The following GRIN3A variants were observed in gnomAD, a reference collection of about 807,000 sequenced individuals.
GRIN3A encodes glutamate ionotropic receptor NMDA type subunit 3A, also known as glutamate receptor ionotropic, NMDA 3A.
A neutral mutation model predicts 92.4 loss-of-function variants in GRIN3A; 47 were observed. That is an observed-to-expected ratio of 0.51 (90% CI 0.40 to 0.65). The LOEUF is 0.65. GRIN3A is among the 30% of genes least tolerant of loss of function. GRIN3A has a pLI of 0.00. For synonymous variants in GRIN3A, 527 were observed against 540.6 expected (o/e 0.97, Z 0.35); for missense variants, 1,324 against 1,393.1 (o/e 0.95, Z 0.79).
At chr9:101,609,713 G>C (rs1261055445) in intron 6 of GRIN3A, among the ~76,000 whole-genome samples, 2 of 152,156 alleles carry the variant, frequency 1.3e-5, no homozygotes, top group East Asian at 1.9e-4. Flanking sequence ...GGTCCCTTCA[G>C]CTGAAGTCTT....
intron 6 of GRIN3A, chr9:101,592,754 CT>C (rs11331695): frequency 0.46 from 65,769 of 143,002 alleles, 14,139 homozygotes; most frequent in Middle Eastern, 0.53. Context: ...AATTTGTGGA[CT>C]TTTTTTTTTT....
intron 3 of GRIN3A, among the ~76,000 whole-genome samples, chr9:101,651,885 C>A (rs1235839726): frequency 2.0e-5 from 3 of 151,840 alleles, no homozygotes; most frequent in Non-Finnish European, 4.4e-5. Flanking sequence ...CTAGAGAAGT[C>A]AAGGATGCAT....
intron 3 of GRIN3A, among the ~76,000 whole-genome samples, chr9:101,650,110 A>G (rs1235224523): frequency 6.6e-6 from 1 of 152,072 alleles, no homozygotes; most frequent in East Asian, 1.9e-4. Flanking sequence ...CAGCTAAAAT[A>G]CTTCTAAAAC....
rs533049120 is a variant in GRIN3A at position 101,643,629 on chromosome 9, G to A, written c.2353-15228C>T. Among the ~76,000 whole-genome samples, 254 of 150,504 alleles carry A rather than the reference G, an allele frequency of 1.7e-3. 4 individuals carry two copies. The highest frequency in any genetic ancestry group is 1.3e-3 in the Non-Finnish European group (85 of 67,708). On this transcript the variant is annotated intron_variant, in intron 3 of 8. Transcript: ENST00000361820. ...GTTTATTACAGCACTATTCACAGTA[G>A]CTAAATCATGTAAGCAACCTAAATG...
rs146450971 is a variant in GRIN3A at position 101,619,016 on chromosome 9, G to T, written c.2614+4302C>A. ...TTGGATACAGCTTAATGGCCCAAGA[G>T]AACAGTTTTCAGAATAGAATCCTGA... On this transcript the variant is annotated intron_variant, in intron 5 of 8. Coordinates refer to ENST00000361820, the MANE Select transcript of GRIN3A (RefSeq NM_133445.3). 9.0e-4 allele frequency among the ~76,000 whole-genome samples: 137 copies of T among 152,264 alleles called. 1 individual carries two copies. The highest frequency in any genetic ancestry group is 3.1e-3 in the African/African-American group (129 of 41,568).
At position 101,682,770 on chromosome 9, in the gene GRIN3A, CAGG is replaced by C. The variant is rs537034756; in HGVS notation, c.1304+3823_1304+3825del. ...GGCCGAGGCGGGCGGATCATGAGGTCAGGAGATCGAGACCATCCTGGCTAACAC... is the reference window on the plus strand; with the variant it reads ...GGCCGAGGCGGGCGGATCATGAGGTCAGATCGAGACCATCCTGGCTAACAC... On this transcript the variant is annotated intron_variant, in intron 2 of 8. Coordinates refer to ENST00000361820, the MANE Select transcript of GRIN3A (RefSeq NM_133445.3). Among the ~76,000 whole-genome samples the C allele has an allele frequency of 5.7e-3, 874 of 152,308 alleles. 9 individuals are homozygous for C. Among genetic ancestry groups the C allele is most frequent in the African/African-American group, 0.02 (842 of 41,576 alleles).
rs1827844964 is a variant in GRIN3A at position 101,577,824 on chromosome 9, A to G, written c.2952T>C (p.Asn984=). The stretch of plus-strand genomic sequence containing the variant: ...GCTGCTTTTCCTCTATAAATGATGT[A>G]TTTATTGCTCTGTGTAATCTCTGAT... ...HTSQRLHRAI[N]TSFIEEKQQH... The change falls in exon 8 of 9, where the codon AAT becomes AAC. Residue 984 remains asparagine, a synonymous_variant. Coordinates refer to ENST00000361820, the MANE Select transcript of GRIN3A (RefSeq NM_133445.3). The G allele has an allele frequency of 6.2e-7, 1 of 1,612,484 alleles. No individual in the cohort carries two copies. The highest frequency in any genetic ancestry group is 8.5e-7 in the Non-Finnish European group (1 of 1,179,244).
At chr9:101,690,265 A>G (rs559098717) in intron 1 of GRIN3A, among the ~76,000 whole-genome samples, 1 of 152,310 alleles carries the variant, frequency 6.6e-6, no homozygotes, top group East Asian at 1.9e-4. Context: ...ACAAAACCAT[A>G]TATGTCAAGC....
At chr9:101,642,464 A>C (rs1666363572) in intron 3 of GRIN3A, among the ~76,000 whole-genome samples, 1 of 152,208 alleles carries the variant, frequency 6.6e-6, no homozygotes, top group African/African-American at 2.4e-5. Context: ...AACAAAAGTA[A>C]AATTAAACAA....
intron 2 of GRIN3A, among the ~76,000 whole-genome samples, chr9:101,672,504 A>G (rs1829341200): frequency 6.6e-6 from 1 of 152,186 alleles, no homozygotes; most frequent in African/African-American, 2.4e-5. Flanking sequence ...AGTGGAACAC[A>G]GTAGGTATTT....
At chr9:101,667,906 T>G (rs1829262936) in intron 3 of GRIN3A, among the ~76,000 whole-genome samples, 1 of 152,022 alleles carries the variant, frequency 6.6e-6, no homozygotes, top group Admixed American at 6.6e-5. Flanking sequence ...AAAGAGATAT[T>G]TTACCGTAGA....
rs1158371689 is a variant in GRIN3A at position 101,687,220 on chromosome 9, A to G, written c.700-20T>C. ...GGGATTCTGTATTTAAAGATATGAA[A>G]AAGAAGAATTAGAAAGCATTGGCCA... is the stretch of plus-strand genomic sequence containing the variant. On this transcript the variant is annotated intron_variant, in intron 1 of 8. Coordinates refer to ENST00000361820, the MANE Select transcript of GRIN3A (RefSeq NM_133445.3). 6.2e-7 allele frequency: 1 copy of G among 1,613,166 alleles called. No homozygotes were observed. The highest frequency in any genetic ancestry group is 1.3e-5 in the African/African-American group (1 of 74,920).
At chr9:101,648,055 G>A (rs1048542212) in intron 3 of GRIN3A, among the ~76,000 whole-genome samples, 5 of 151,172 alleles carry the variant, frequency 3.3e-5, no homozygotes, top group Non-Finnish European at 5.9e-5. Context: ...TTTCTAGTTC[G>A]TTGAGGTGCA....
chr9:101,671,180 G>A, intron 2 of GRIN3A, 73 bp from the exon 3 acceptor site: 1 of 1,030,014 alleles, frequency 9.7e-7, no homozygotes, highest in Non-Finnish European at 1.5e-6. Flanking sequence ...GTTCAGCTTT[G>A]CTTCCTTGTC....
intron 6 of GRIN3A, among the ~76,000 whole-genome samples, chr9:101,599,517 G>C (rs1003941279): frequency 4.6e-5 from 7 of 152,124 alleles, no homozygotes; most frequent in African/African-American, 1.7e-4. Context: ...GGAAAACACT[G>C]TTTGTTACTT....
chr9:101,695,656 A>C (rs1358637608), intron 1 of GRIN3A, among the ~76,000 whole-genome samples: 1 of 152,186 alleles, frequency 6.6e-6, no homozygotes, highest in African/African-American at 2.4e-5. Context: ...CCTGACACGT[A>C]GTAACTGCTT....
chr9:101,686,698 G>A lies in GRIN3A; in HGVS notation c.1202C>T (p.Ala401Val), dbSNP rs1259690337. Residue 401 changes from alanine to valine, a missense_variant, in exon 2 of 9, where the codon GCC (alanine) becomes GTC (valine). Transcript: ENST00000361820. ...DAMELVARAV[A>V]TATMIQPELA... Reference sequence around the variant, plus strand: ...TTCTGGTTGGATCATGGTGGCTGTGGCTACAGCTCTTGCGACCAGCTCCAT... The same window carrying A: ...TTCTGGTTGGATCATGGTGGCTGTGACTACAGCTCTTGCGACCAGCTCCAT... 6.2e-7 allele frequency: 1 copy of A among 1,614,186 alleles called. No individual in the cohort carries two copies. Among genetic ancestry groups the A allele is most frequent in the African/African-American group, 1.3e-5 (1 of 75,054 alleles).
At chr9:101,674,796 G>A (rs1035384571) in intron 2 of GRIN3A, among the ~76,000 whole-genome samples, 11 of 152,008 alleles carry the variant, frequency 7.2e-5, no homozygotes, top group Non-Finnish European at 4.4e-5. Context: ...GTAAGAAGGT[G>A]GAAAATGTAA....
intron 3 of GRIN3A, among the ~76,000 whole-genome samples, chr9:101,646,284 C>G (rs1419173865): frequency 6.6e-6 from 1 of 151,714 alleles, no homozygotes; most frequent in African/African-American, 2.4e-5. Context: ...TTATTCTTCT[C>G]CATATGGAGA....
Sources: allele counts gnomAD v4.1 joint callset (sites outside exome capture counted in the v4.1 genomes callset), GRCh38; gene constraint gnomAD v4.1.1; transcripts MANE v1.5; gene names NCBI Gene and HGNC (gene_info 2026-07-23, HGNC 2026-07-21).